Variants in ADGRV1 observed in about 807,000 individuals in gnomAD.
The protein encoded by ADGRV1 is G-protein coupled receptor 98.
Under a neutral mutation model 596.2 loss-of-function variants are expected in ADGRV1, and 359 were observed. That is an observed-to-expected ratio of 0.60 (90% confidence interval 0.55 to 0.66). The LOEUF is 0.66. Ranked by LOEUF, ADGRV1 falls within the 30% of genes least tolerant of loss-of-function variation. The pLI, the probability that ADGRV1 is intolerant of heterozygous loss-of-function variation, is 0.00. For missense variants in ADGRV1, 7,274 were observed against 7,575.6 expected, an observed-to-expected ratio of 0.96 and a Z score of 1.48; for synonymous variants, 2,681 against 2,679.2, an observed-to-expected ratio of 1.00 and a Z score of -0.02.
intron 86 of ADGRV1, among the ~76,000 whole-genome samples, chr5:91,088,844 A>G (rs186952865): frequency 1.8e-3 from 275 of 152,320 alleles, no homozygotes; most frequent in Non-Finnish European, 3.4e-3. Flanking sequence ...TGACAAGCAA[A>G]TACAGAAATC....
At position 91,138,855 on chromosome 5, in the gene ADGRV1, T is replaced by C. The variant is rs148999191; in HGVS notation, c.18433-11175T>C. Among the ~76,000 whole-genome samples, 763 of 150,632 alleles carry C rather than the reference T, an allele frequency of 5.1e-3. 5 individuals carry two copies. The highest frequency in any genetic ancestry group is 0.018 in the African/African-American group (729 of 41,038). On this transcript the variant is annotated intron_variant, in intron 87 of 89. Transcript: ENST00000405460. ...GGCACCATCTCGGCTCACTGCAACC[T>C]CCACCTCCTGGGTTCAAGCAATTCT... is the stretch of plus-strand genomic sequence containing the variant.
At chr5:90,733,172 G>A (rs1204587686) in intron 50 of ADGRV1, among the ~76,000 whole-genome samples, 2 of 152,222 alleles carry the variant, frequency 1.3e-5, no homozygotes, top group African/African-American at 4.8e-5. Flanking sequence ...AGTTAGAAAT[G>A]AAGATTCAAC....
chr5:90,730,772 T>C (rs1752447068), intron 50 of ADGRV1, among the ~76,000 whole-genome samples: 1 of 152,142 alleles, frequency 6.6e-6, no homozygotes, highest in African/African-American at 2.4e-5. Context: ...TGGGTGTTCA[T>C]AGCACAGGGA....
At chr5:91,015,876 A>G (rs1452485862) in intron 85 of ADGRV1, among the ~76,000 whole-genome samples, 1 of 151,882 alleles carries the variant, frequency 6.6e-6, no homozygotes, top group East Asian at 1.9e-4. Context: ...ATTCAAGGTT[A>G]TTATTGATAT....
intron 1 of ADGRV1, among the ~76,000 whole-genome samples, chr5:90,576,541 T>G (rs199586530): frequency 6.6e-6 from 1 of 152,162 alleles, no homozygotes; most frequent in African/African-American, 2.4e-5. Context: ...GGTTCCAAGT[T>G]TTTGCTATTG....
intron 1 of ADGRV1, among the ~76,000 whole-genome samples, chr5:90,605,117 A>T (rs910838607): frequency 1.3e-5 from 2 of 152,202 alleles, no homozygotes; most frequent in Non-Finnish European, 2.9e-5. Context: ...TAGAAAGAAG[A>T]TAGAAATCAG....
At chr5:90,670,978 G>A (rs138110540) in intron 21 of ADGRV1, among the ~76,000 whole-genome samples, 1,722 of 152,294 alleles carry the variant, frequency 0.011, 15 homozygotes, top group Middle Eastern at 0.037. Context: ...ATATGAAGGA[G>A]GTGTAGCAAT....
intron 64 of ADGRV1, 46 bp downstream of exon 64, chr5:90,779,143 G>C: frequency 8.9e-7 from 1 of 1,126,722 alleles, no homozygotes. Context: ...AGAGCAGAGA[G>C]AAAGAGAGAA....
intron 83 of ADGRV1, among the ~76,000 whole-genome samples, chr5:90,868,666 A>G (rs1326230923): frequency 9.3e-6 from 1 of 107,020 alleles, no homozygotes; most frequent in South Asian, 2.7e-4. Context: ...TTTTTTTTGT[A>G]CAATTAACTG....
chr5:91,001,828 C>T (rs1206285969), intron 85 of ADGRV1, among the ~76,000 whole-genome samples: 1 of 152,000 alleles, frequency 6.6e-6, no homozygotes, highest in Admixed American at 6.6e-5. Context: ...TTTGGTCTTT[C>T]TATCTCACAC....
chr5:90,921,567 CT>C (rs1773876020), intron 83 of ADGRV1, among the ~76,000 whole-genome samples: 1 of 152,148 alleles, frequency 6.6e-6, no homozygotes, highest in Admixed American at 6.5e-5. Flanking sequence ...GCTGCAATTT[CT>C]TTTGCTTTTT....
intron 83 of ADGRV1, among the ~76,000 whole-genome samples, chr5:90,911,368 G>GTGT (rs551885675): frequency 7.3e-4 from 111 of 152,262 alleles, no homozygotes; most frequent in African/African-American, 2.5e-3. Context: ...GGAAGCACCA[G>GTGT]TGTGTCTCCT....
At chr5:90,643,765 AACTTT>A (rs1159066166) in intron 13 of ADGRV1, 33 bp from the exon 14 acceptor site, 1 of 1,468,440 alleles carries the variant, frequency 6.8e-7, no homozygotes, top group Non-Finnish European at 9.2e-7. Context: ...GTGAAAAGTC[AACTTT>A]ATAATTTCCA....
At chr5:90,571,959 T>G (rs1281283530) in intron 1 of ADGRV1, among the ~76,000 whole-genome samples, 1 of 152,194 alleles carries the variant, frequency 6.6e-6, no homozygotes, top group East Asian at 1.9e-4. Context: ...GCATTGATTC[T>G]GACAGTTTTT....
chr5:90,618,797 C>T lies in ADGRV1; in HGVS notation c.358-289C>T, dbSNP rs10462487. ...ATTAGTGATAACATAGTAATTATAA[C>T]TAATTTATAATATAGTATTATTAGC... On this transcript the variant is annotated intron_variant, in intron 3 of 89. Transcript: ENST00000405460. Among the ~76,000 whole-genome samples the T allele has an allele frequency of 0.14, 21,850 of 151,524 alleles. 1,887 individuals are homozygous for T. Among genetic ancestry groups the T allele is most frequent in the East Asian group, 0.4 (2,078 of 5,156 alleles).
intron 83 of ADGRV1, among the ~76,000 whole-genome samples, chr5:90,932,793 G>GTT: frequency 1.5e-5 from 2 of 136,890 alleles, no homozygotes; most frequent in East Asian, 4.6e-4. Context: ...CTTGTCGTGA[G>GTT]TTGTGTGTGT....
At chr5:90,877,798 CAT>C (rs1000247545) in intron 83 of ADGRV1, among the ~76,000 whole-genome samples, 11 of 151,256 alleles carry the variant, frequency 7.3e-5, no homozygotes, top group African/African-American at 2.7e-4. Flanking sequence ...ACTCACAAGA[CAT>C]AAATCAATAC....
At chr5:90,948,233 A>G (rs1286554892) in intron 83 of ADGRV1, among the ~76,000 whole-genome samples, 2 of 152,062 alleles carry the variant, frequency 1.3e-5, no homozygotes, top group African/African-American at 4.8e-5. Flanking sequence ...AAAGTCTGAA[A>G]TTTTTATGTT....
chr5:90,809,880 G>A (rs1249328597), intron 73 of ADGRV1, among the ~76,000 whole-genome samples: 3 of 152,184 alleles, frequency 2.0e-5, no homozygotes, highest in African/African-American at 4.8e-5. Context: ...GCTGGCAGAG[G>A]TCCAGAACAT....
Sources: gnomAD v4.1 joint callset for allele counts (sites outside exome capture counted in the v4.1 genomes callset) on GRCh38, gnomAD v4.1.1 for gene constraint, MANE v1.5 for transcripts, NCBI Gene and HGNC (gene_info 2026-07-23, HGNC 2026-07-21) for gene names.